IFTAP: variants seen among roughly 807,000 people sequenced by gnomAD.
IFTAP encodes intraflagellar transport associated protein, also known as intraflagellar transport-associated protein.
A neutral mutation model predicts 19.4 loss-of-function variants in IFTAP; 19 were observed. That is an observed-to-expected ratio of 0.98 (90% CI 0.68 to 1.44). The LOEUF (loss-of-function observed/expected upper bound fraction) is 1.44, where lower values mean the gene tolerates loss of function less well. Ranked by LOEUF, IFTAP falls within the 40% of genes most tolerant of loss-of-function variation. The pLI is 0.00. For synonymous variants in IFTAP, 85 were observed against 83.5 expected (o/e 1.02, Z -0.10); for missense variants, 240 against 253.6 (o/e 0.95, Z 0.36).
At chr11:36,630,998 G>A (rs577778222) in intron 2 of IFTAP, among the ~76,000 whole-genome samples, 1 of 151,488 alleles carries the variant, frequency 6.6e-6, no homozygotes, top group African/African-American at 2.5e-5. Context: ...CCCTAGGACT[G>A]ATACAGGACA....
intron 2 of IFTAP, among the ~76,000 whole-genome samples, chr11:36,627,066 G>A (rs919516365): frequency 4.0e-5 from 6 of 151,332 alleles, no homozygotes; most frequent in Admixed American, 1.3e-4. Context: ...GTTATGCTAA[G>A]AGAAAGAAGT....
intron 1 of IFTAP, among the ~76,000 whole-genome samples, chr11:36,599,870 T>A (rs1483136648): frequency 6.6e-6 from 1 of 152,212 alleles, no homozygotes; most frequent in Admixed American, 6.5e-5. Flanking sequence ...AGGACAACTG[T>A]CATAAAATTG....
At chr11:36,595,424 T>A (rs1437674257) in intron 1 of IFTAP, among the ~76,000 whole-genome samples, 1 of 152,256 alleles carries the variant, frequency 6.6e-6, no homozygotes, top group African/African-American at 2.4e-5. Context: ...ATACACTCCG[T>A]GTTTGCAGTG....
At chr11:36,616,017 T>C (rs1852070640) in intron 2 of IFTAP, among the ~76,000 whole-genome samples, 1 of 152,010 alleles carries the variant, frequency 6.6e-6, no homozygotes, top group African/African-American at 2.4e-5. Flanking sequence ...TAATTACTGC[T>C]CATGTTGCTG....
intron 5 of IFTAP, 69 bp downstream of exon 5, chr11:36,648,224 G>T: frequency 1.3e-6 from 2 of 1,527,690 alleles, no homozygotes; most frequent in East Asian, 2.3e-5. Flanking sequence ...TCAAAGAAAT[G>T]CTGCATGCTT....
rs548094942 is a variant in IFTAP at position 36,640,051 on chromosome 11, T to C, written c.358+3934T>C. 9.2e-5 allele frequency among the ~76,000 whole-genome samples: 14 copies of C among 152,242 alleles called. No homozygotes were observed. The East Asian group carries it at 2.7e-3, about 29-fold the overall frequency. On this transcript the variant is annotated intron_variant, in intron 4 of 5. Coordinates refer to ENST00000334307, the MANE Select transcript of IFTAP (RefSeq NM_138787.4). ...TACCCTGGTAGTTCTCCAACACCTT[T>C]AAATAGTTGATTTTTGTGATTTATC...
rs190897852 is a variant in IFTAP, at chr11:36,605,807, A to C, written c.-23-4274A>C. Among the ~76,000 whole-genome samples the C allele has an allele frequency of 5.7e-4, 87 of 152,312 alleles. No homozygotes were observed. In the South Asian group the frequency reaches 0.015, roughly 27 times the overall value. On this transcript the variant is annotated intron_variant, in intron 1 of 5. Coordinates refer to ENST00000334307, the MANE Select transcript of IFTAP (RefSeq NM_138787.4). ...TATCACAAGACGTTTTGAGTCTTTC[A>C]TGTGGAGCTCAAAGCCTTAAAACAT...
At chr11:36,598,197 C>G (rs1000988323) in intron 1 of IFTAP, 8 of 151,992 alleles carry the variant, frequency 5.3e-5, no homozygotes, top group African/African-American at 1.9e-4. Flanking sequence ...TGACTGCCCA[C>G]TATGACTGTG....
intron 2 of IFTAP, among the ~76,000 whole-genome samples, chr11:36,614,758 A>G (rs1241757059): frequency 6.7e-6 from 1 of 148,614 alleles, no homozygotes; most frequent in Non-Finnish European, 1.5e-5. Flanking sequence ...CCACTTTTTG[A>G]TGGGGTTGTT....
At chr11:36,595,455 G>A (rs1234754512) in intron 1 of IFTAP, among the ~76,000 whole-genome samples, 2 of 152,318 alleles carry the variant, frequency 1.3e-5, no homozygotes, top group East Asian at 3.9e-4. Flanking sequence ...TGCACCAAAT[G>A]TTAAAGGAAA....
chr11:36,602,147 T>C (rs1172083460), intron 1 of IFTAP, among the ~76,000 whole-genome samples: 3 of 152,214 alleles, frequency 2.0e-5, no homozygotes, highest in African/African-American at 4.8e-5. Context: ...GAATTTATAA[T>C]TCAAAATAGC....
chr11:36,631,521 G>T (rs1178715470), intron 2 of IFTAP, among the ~76,000 whole-genome samples: 1 of 151,160 alleles, frequency 6.6e-6, no homozygotes, highest in African/African-American at 2.5e-5. Context: ...AACTGGATTT[G>T]TACCAGGCTG....
At chr11:36,617,113 T>C (rs1229872080) in intron 2 of IFTAP, among the ~76,000 whole-genome samples, 3 of 150,706 alleles carry the variant, frequency 2.0e-5, no homozygotes, top group Non-Finnish European at 3.0e-5. Context: ...ATTGACTATA[T>C]TTGAAATGAT....
chr11:36,623,203 T>G (rs1852374414), intron 2 of IFTAP, among the ~76,000 whole-genome samples: 1 of 152,116 alleles, frequency 6.6e-6, no homozygotes, highest in Admixed American at 6.6e-5. Flanking sequence ...GATCAGAAAC[T>G]TTGACTTTCA....
intron 2 of IFTAP, among the ~76,000 whole-genome samples, chr11:36,630,883 T>C (rs1310035399): frequency 6.6e-6 from 1 of 151,316 alleles, no homozygotes; most frequent in Non-Finnish European, 1.5e-5. Flanking sequence ...TCTGCTTTCC[T>C]TTGAACATTG....
intron 1 of IFTAP, among the ~76,000 whole-genome samples, chr11:36,602,798 GT>G (rs1258391382): frequency 6.6e-6 from 1 of 151,386 alleles, no homozygotes; most frequent in Non-Finnish European, 1.5e-5. Context: ...AAGATAGGGT[GT>G]TTACTTGTAA....
chr11:36,610,247 G>A lies in IFTAP; in HGVS notation c.136+8G>A, dbSNP rs746455184. ...TTACTCATCTTTCACAAGGTAAAAT[G>A]GAGAAGTAAACTTTCTGCAGCAATG... is the stretch of plus-strand genomic sequence containing the variant. On this transcript the variant is annotated splice_region_variant and intron_variant, in intron 2 of 5. Coordinates refer to ENST00000334307, the MANE Select transcript of IFTAP (RefSeq NM_138787.4). 14 of 1,595,476 alleles carry A rather than the reference G, an allele frequency of 8.8e-6. No individual in the cohort carries two copies. In the East Asian group the frequency reaches 3.1e-4, roughly 36 times the overall value.
At chr11:36,603,715 T>A (rs1590734757) in intron 1 of IFTAP, among the ~76,000 whole-genome samples, 1 of 151,942 alleles carries the variant, frequency 6.6e-6, no homozygotes, top group African/African-American at 2.4e-5. Context: ...TGAGGTTAGG[T>A]GTTTGAGACC....
At chr11:36,632,585 A>G (rs1852769185) in intron 2 of IFTAP, among the ~76,000 whole-genome samples, 1 of 151,370 alleles carries the variant, frequency 6.6e-6, no homozygotes, top group Admixed American at 6.6e-5. Flanking sequence ...GCCTAAGTAG[A>G]TAATCGTGAA....
Sources: allele counts gnomAD v4.1 joint callset (sites outside exome capture counted in the v4.1 genomes callset), GRCh38; gene constraint gnomAD v4.1.1; transcripts MANE v1.5; gene names NCBI Gene and HGNC (gene_info 2026-07-23, HGNC 2026-07-21).